The following VWA3B variants were observed in gnomAD, a reference collection of about 807,000 sequenced individuals.
The protein encoded by VWA3B is von Willebrand factor A domain-containing protein 3B.
In VWA3B, 138 loss-of-function variants were observed where a neutral mutation model predicts 158.3. The ratio of observed to expected loss-of-function variants is 0.87; its 90% CI spans 0.76 to 1.00. The LOEUF (loss-of-function observed/expected upper bound fraction) is 1.00. VWA3B is among the 50% of genes least tolerant of loss of function. The probability of loss-of-function intolerance (pLI) is 0.00; values close to 1 mark genes in which losing one functional copy is unlikely to be tolerated. For missense variants in VWA3B, 1,555 were observed against 1,565.1 expected (o/e 0.99, Z 0.11); for synonymous variants, 596 against 587.3 (o/e 1.01, Z -0.21).
At chr2:98,186,158 A>ATTTTTT (rs377014875) in intron 9 of VWA3B, among the ~76,000 whole-genome samples, 1 of 128,376 alleles carries the variant, frequency 7.8e-6, no homozygotes, top group African/African-American at 3.0e-5. Flanking sequence ...ACTTCCTTGA[A>ATTTTTT]TTTTTTTTTT....
chr2:98,176,105 G>C (rs933019127), intron 8 of VWA3B, among the ~76,000 whole-genome samples: 11 of 152,144 alleles, frequency 7.2e-5, no homozygotes, highest in African/African-American at 2.7e-4. Flanking sequence ...CCTTGCAGCT[G>C]CTCCATGCTG....
At chr2:98,143,008 G>A (rs529078390) in intron 7 of VWA3B, among the ~76,000 whole-genome samples, 4 of 152,144 alleles carry the variant, frequency 2.6e-5, no homozygotes, top group Admixed American at 1.3e-4. Context: ...AAATCAAAAC[G>A]ATAATACGTA....
At chr2:98,204,245 A>G (rs1330121778) in intron 12 of VWA3B, among the ~76,000 whole-genome samples, 2 of 152,220 alleles carry the variant, frequency 1.3e-5, no homozygotes, top group Non-Finnish European at 2.9e-5. Context: ...TCCAACCTCT[A>G]TGACTTATTC....
chr2:98,201,137 G>A (rs763835763), intron 12 of VWA3B, among the ~76,000 whole-genome samples: 72 of 152,076 alleles, frequency 4.7e-4, no homozygotes, highest in Non-Finnish European at 8.2e-4. Flanking sequence ...GTACATTTCA[G>A]AATCAGTTGT....
chr2:98,158,453 C>A (rs931253021), intron 7 of VWA3B, among the ~76,000 whole-genome samples: 6 of 152,172 alleles, frequency 3.9e-5, no homozygotes, highest in Non-Finnish European at 7.3e-5. Context: ...GCACTGGGTT[C>A]ATGGAAGGCT....
chr2:98,245,213 C>T (rs1686315573), intron 19 of VWA3B, among the ~76,000 whole-genome samples: 1 of 151,924 alleles, frequency 6.6e-6, no homozygotes, highest in South Asian at 2.1e-4. Flanking sequence ...AAATATTTCC[C>T]AAGGTGCCAA....
In VWA3B at chr2:98,193,027, G is replaced by T; in HGVS notation, c.1596G>T (p.Gln532His). Residue 532 changes from glutamine to histidine, a missense_variant, in exon 11 of 28, where the codon CAG becomes CAT. Transcript: ENST00000477737. ...KLDLVKDKII[Q>H]FIQEQLKYKS... ...ACTTGGTGAAGGACAAGATCATTCA[G>T]TTCATACAGGTTAGATGGAACTGTC... is the stretch of plus-strand genomic sequence containing the variant. The T allele has an allele frequency of 6.2e-7, 1 of 1,612,446 alleles. No individual in the cohort carries two copies. The highest frequency in any genetic ancestry group is 8.5e-7 in the Non-Finnish European group (1 of 1,179,076).
intron 10 of VWA3B, among the ~76,000 whole-genome samples, chr2:98,190,288 G>A (rs1478184502): frequency 6.6e-6 from 1 of 152,040 alleles, no homozygotes; most frequent in Admixed American, 6.6e-5. Flanking sequence ...ATCACTTCAT[G>A]TATATTACAG....
intron 8 of VWA3B, among the ~76,000 whole-genome samples, chr2:98,171,428 G>A (rs1393551632): frequency 3.3e-5 from 5 of 152,234 alleles, no homozygotes; most frequent in East Asian, 1.9e-4. Flanking sequence ...GGAGAGAGCC[G>A]GGAGTGTATG....
chr2:98,130,704 G>C (rs1675793377), intron 6 of VWA3B, among the ~76,000 whole-genome samples: 1 of 152,106 alleles, frequency 6.6e-6, no homozygotes, highest in Non-Finnish European at 1.5e-5. Flanking sequence ...CAGGGTTGGG[G>C]GTAGCGTTAC....
At chr2:98,179,206 C>T in intron 8 of VWA3B, 1 of 471,178 alleles carries the variant, frequency 2.1e-6, no homozygotes, top group Non-Finnish European at 4.4e-6. Context: ...CCTCACCCCT[C>T]CTTTGTGTCC....
At chr2:98,181,809 G>T (rs1473481806) in intron 9 of VWA3B, among the ~76,000 whole-genome samples, 2 of 152,202 alleles carry the variant, frequency 1.3e-5, no homozygotes, top group East Asian at 3.8e-4. Context: ...CTTAACTCCA[G>T]CATCATGCAT....
intron 22 of VWA3B, among the ~76,000 whole-genome samples, chr2:98,284,917 T>C (rs961227213): frequency 1.3e-5 from 2 of 152,218 alleles, no homozygotes; most frequent in Non-Finnish European, 2.9e-5. Flanking sequence ...GTTTATCTTT[T>C]GATTTGTAGA....
rs760154222 is a variant in VWA3B at position 98,188,148 on chromosome 2, A to G, written c.1466+19A>G. 1.2e-6 allele frequency: 2 copies of G among 1,602,628 alleles called. No homozygotes were observed. Among genetic ancestry groups the G allele is most frequent in the Admixed American group, 3.4e-5 (2 of 58,450 alleles). On this transcript the variant is annotated intron_variant, in intron 10 of 27. Coordinates refer to ENST00000477737, the MANE Select transcript of VWA3B (RefSeq NM_144992.5). ...GAAGGAGGTTGGTGTTATTTGCAGG[A>G]AGTTACAAGTGGTCTCCTCGCTCTG...
intron 7 of VWA3B, among the ~76,000 whole-genome samples, chr2:98,149,900 A>C (rs1677486148): frequency 6.6e-6 from 1 of 152,256 alleles, no homozygotes; most frequent in African/African-American, 2.4e-5. Flanking sequence ...AAACAGATAG[A>C]TGCATTGCTA....
chr2:98,285,724 T>C (rs1689131995), intron 22 of VWA3B, among the ~76,000 whole-genome samples: 1 of 151,080 alleles, frequency 6.6e-6, no homozygotes, highest in Admixed American at 6.6e-5. Flanking sequence ...TGGGGGGTCA[T>C]CTGTGTCCTC....
intron 8 of VWA3B, among the ~76,000 whole-genome samples, chr2:98,176,886 C>T (rs1680058474): frequency 6.6e-6 from 1 of 152,254 alleles, no homozygotes; most frequent in African/African-American, 2.4e-5. Context: ...CTGTGGGACC[C>T]ACTCTTGGAA....
At chr2:98,267,224 A>G (rs1251083179) in intron 21 of VWA3B, among the ~76,000 whole-genome samples, 1 of 151,744 alleles carries the variant, frequency 6.6e-6, no homozygotes, top group Non-Finnish European at 1.5e-5. Context: ...ACGTCCCATC[A>G]ATACCTAATT....
chr2:98,236,317 G>A, intron 17 of VWA3B, 73 bp from the exon 18 acceptor site: 2 of 1,497,980 alleles, frequency 1.3e-6, no homozygotes, highest in Non-Finnish European at 1.9e-6. Context: ...ACTGAGACAA[G>A]CGTGATCCCT....
Sources: allele counts gnomAD v4.1 joint callset (sites outside exome capture counted in the v4.1 genomes callset), GRCh38; gene constraint gnomAD v4.1.1; transcripts MANE v1.5; gene names NCBI Gene and HGNC (gene_info 2026-07-23, HGNC 2026-07-21).